The following FREM1 variants were observed in gnomAD, a reference collection of about 807,000 sequenced individuals.
The protein encoded by FREM1 is FRAS1 related extracellular matrix 1, also known as FRAS1-related extracellular matrix protein 1.
FREM1 carries 220 observed loss-of-function variants against 210.1 expected under a neutral mutation model. The observed-to-expected ratio is 1.05, with a 90% CI of 0.94 to 1.17. FREM1 has a LOEUF of 1.17. Among genes scored for constraint, FREM1 ranks in the 50% most tolerant of loss-of-function variants. The pLI is 0.00. For missense variants in FREM1, 3,454 were observed against 2,675.5 expected (o/e 1.29, Z -6.42); for synonymous variants, 1,189 against 980.2 (o/e 1.21, Z -3.98).
At chr9:14,860,659 A>ATATACACATGTATACATATATGCACATG (rs1829768917) in intron 3 of FREM1, among the ~76,000 whole-genome samples, 1 of 135,094 alleles carries the variant, frequency 7.4e-6, no homozygotes, top group African/African-American at 3.1e-5. Flanking sequence ...ATATACACAT[A>ATATACACATGTATACATATATGCACATG]TATACATATA....
intron 35 of FREM1, among the ~76,000 whole-genome samples, chr9:14,743,289 C>G (rs1395281266): frequency 6.6e-6 from 1 of 151,964 alleles, no homozygotes; most frequent in East Asian, 1.9e-4. Flanking sequence ...GTGAAGAACT[C>G]ATTGCTACTC....
intron 29 of FREM1, among the ~76,000 whole-genome samples, chr9:14,755,603 C>T (rs1019466982): frequency 2.6e-5 from 4 of 152,168 alleles, no homozygotes; most frequent in African/African-American, 4.8e-5. Flanking sequence ...GAAAGATGGC[C>T]GGGCTCCAGC....
At chr9:14,788,067 C>T (rs1431469126) in intron 23 of FREM1, among the ~76,000 whole-genome samples, 1 of 152,010 alleles carries the variant, frequency 6.6e-6, no homozygotes, top group African/African-American at 2.4e-5. Context: ...CTTAAGCATT[C>T]AATTTACCTC....
At chr9:14,868,257 G>A (rs967136786) in intron 2 of FREM1, among the ~76,000 whole-genome samples, 4 of 152,104 alleles carry the variant, frequency 2.6e-5, no homozygotes, top group South Asian at 2.1e-4. Context: ...GTGATAACTC[G>A]GGGCAGGAAT....
At chr9:14,879,020 C>T (rs1226794093) in intron 1 of FREM1, among the ~76,000 whole-genome samples, 4 of 151,674 alleles carry the variant, frequency 2.6e-5, no homozygotes, top group African/African-American at 4.8e-5. Flanking sequence ...AGCCAGGCAT[C>T]GTGGCAGGCG....
intron 21 of FREM1, 103 bp downstream of exon 21, chr9:14,797,395 G>A (rs1174727843): frequency 8.8e-6 from 8 of 905,064 alleles, no homozygotes; most frequent in East Asian, 2.8e-5. Flanking sequence ...AGGAGCTAGC[G>A]AAGACTTGCT....
At chr9:14,837,868 G>A (rs528492249) in intron 10 of FREM1, among the ~76,000 whole-genome samples, 1 of 152,328 alleles carries the variant, frequency 6.6e-6, no homozygotes, top group Admixed American at 6.5e-5. Context: ...AGTCATGAAA[G>A]GATAGAGACA....
At chr9:14,773,414 G>T (rs930580897) in intron 25 of FREM1, among the ~76,000 whole-genome samples, 3 of 152,154 alleles carry the variant, frequency 2.0e-5, no homozygotes, top group African/African-American at 7.2e-5. Flanking sequence ...ACTCAACGGT[G>T]ATCAACATCC....
At chr9:14,858,625 T>C (rs1829242618) in intron 4 of FREM1, among the ~76,000 whole-genome samples, 2 of 152,172 alleles carry the variant, frequency 1.3e-5, no homozygotes, top group South Asian at 4.1e-4. Context: ...TTATCCCTTA[T>C]ATTTCTTGGC....
chr9:14,842,736 C>T (rs2131225288), intron 8 of FREM1, 76 bp from the exon 9 acceptor site: 3 of 1,015,610 alleles, frequency 3.0e-6, no homozygotes, highest in Non-Finnish European at 1.5e-6. Context: ...AGCATCAATA[C>T]AGTAGAGGCT....
chr9:14,833,162 C>T (rs1823897050), intron 10 of FREM1, among the ~76,000 whole-genome samples: 1 of 152,222 alleles, frequency 6.6e-6, no homozygotes, highest in East Asian at 1.9e-4. Flanking sequence ...CTGGGTGGTG[C>T]CAGCCGATCC....
chr9:14,812,414 G>A (rs75255312), intron 16 of FREM1, among the ~76,000 whole-genome samples: 2 of 152,152 alleles, frequency 1.3e-5, no homozygotes, highest in Middle Eastern at 6.8e-3. Context: ...TAGGAGCTAG[G>A]TGGTGATCAG....
chr9:14,808,269 C>A, intron 16 of FREM1, 135 bp from the exon 17 acceptor site: 1 of 555,714 alleles, frequency 1.8e-6, no homozygotes, highest in Non-Finnish European at 3.0e-6. Flanking sequence ...AATGTAAAAC[C>A]CAATTTTATC....
chr9:14,864,763 G>A (rs112507877), intron 2 of FREM1, among the ~76,000 whole-genome samples: 5 of 152,100 alleles, frequency 3.3e-5, no homozygotes, highest in South Asian at 2.1e-4. Context: ...GTGGTGTTTC[G>A]TCTGTACCTT....
chr9:14,840,921 C>A (rs191328150), intron 10 of FREM1, among the ~76,000 whole-genome samples: 35 of 152,282 alleles, frequency 2.3e-4, no homozygotes, highest in Non-Finnish European at 1.5e-5. Context: ...TTAAAGACAA[C>A]AATAAATAAT....
chr9:14,884,676 ACTC>A (rs780250789), intron 1 of FREM1, among the ~76,000 whole-genome samples: 2 of 152,092 alleles, frequency 1.3e-5, no homozygotes, highest in Non-Finnish European at 2.9e-5. Flanking sequence ...TAAACATGAT[ACTC>A]CTGTCACTAA....
intron 28 of FREM1, 79 bp from the exon 29 acceptor site, chr9:14,756,525 G>T: frequency 1.0e-6 from 1 of 963,786 alleles, no homozygotes; most frequent in Non-Finnish European, 1.6e-6. Context: ...CCCTCATACT[G>T]GACTAAACTC....
chr9:14,788,809 G>T, intron 23 of FREM1, 110 bp downstream of exon 23: 1 of 827,110 alleles, frequency 1.2e-6, no homozygotes, highest in Non-Finnish European at 1.9e-6. Context: ...ATGAAGAGTG[G>T]CAGGAAAAAA....
At chr9:14,740,568 T>C (rs1425741082) in intron 35 of FREM1, among the ~76,000 whole-genome samples, 1 of 152,230 alleles carries the variant, frequency 6.6e-6, no homozygotes, top group African/African-American at 2.4e-5. Context: ...GACAAAATAC[T>C]ATTCTTCTCA....
Sources: gnomAD v4.1 joint callset for allele counts (sites outside exome capture counted in the v4.1 genomes callset) on GRCh38, gnomAD v4.1.1 for gene constraint, MANE v1.5 for transcripts, NCBI Gene and HGNC (gene_info 2026-07-23, HGNC 2026-07-21) for gene names.